TRIM61: variants seen among roughly 807,000 people sequenced by gnomAD.
TRIM61 encodes putative tripartite motif-containing protein 61.
TRIM61 carries 1 observed loss-of-function variant against 14.2 expected under a neutral mutation model. The observed-to-expected ratio is 0.07, with a 90% confidence interval of 0.03 to 0.33. TRIM61 has a LOEUF of 0.33. Among genes scored for constraint, TRIM61 ranks in the 10% least tolerant of loss-of-function variants. TRIM61 has a pLI of 0.99. For missense variants in TRIM61, 19 were observed against 202.2 expected (o/e 0.09, Z 5.49); for synonymous variants, 8 against 71.6 (o/e 0.11, Z 4.49).
chr4:164,956,905 G>A (rs1732004054), intron 3 of TRIM61: 11 of 1,038,604 alleles, frequency 1.1e-5, no homozygotes, highest in South Asian at 1.7e-5. Flanking sequence ...GCGGAAGTCG[G>A]AGCGGCAGAG....
intron 3 of TRIM61, among the ~76,000 whole-genome samples, chr4:164,965,269 CAG>C (rs1249887691): frequency 2.8e-5 from 4 of 143,388 alleles, no homozygotes; most frequent in African/African-American, 1.1e-4. Flanking sequence ...GCCTGGACAA[CAG>C]AGTGAGCCTC....
chr4:164,960,014 T>C (rs991109469), intron 3 of TRIM61, among the ~76,000 whole-genome samples: 1 of 152,082 alleles, frequency 6.6e-6, no homozygotes. Flanking sequence ...ATCACTGCAG[T>C]CCTTATAAAA....
At chr4:164,966,283 T>G (rs1290234245) in intron 3 of TRIM61, among the ~76,000 whole-genome samples, 1 of 152,154 alleles carries the variant, frequency 6.6e-6, no homozygotes, top group Admixed American at 6.5e-5. Context: ...CACTTGACAA[T>G]ACATGGCTCA....
At chr4:164,955,437 C>T (rs1731962351) in intron 3 of TRIM61, among the ~76,000 whole-genome samples, 1 of 151,898 alleles carries the variant, frequency 6.6e-6, no homozygotes, top group South Asian at 2.1e-4. Context: ...AGCTCAATGG[C>T]TCAAGACTGC....
At chr4:164,974,049 A>G (rs751327001) in intron 2 of TRIM61, among the ~76,000 whole-genome samples, 1 of 152,234 alleles carries the variant, frequency 6.6e-6, no homozygotes, top group African/African-American at 2.4e-5. Context: ...GCATGCCAGT[A>G]ATTCCAGCTA....
At chr4:164,958,831 A>G (rs1220425337) in intron 3 of TRIM61, 1 of 167,120 alleles carries the variant, frequency 6.0e-6, no homozygotes, top group African/African-American at 2.4e-5. Flanking sequence ...CCTGTTAAAC[A>G]GAGGCATGAT....
chr4:164,973,989 G>C (rs1444848691), intron 2 of TRIM61, among the ~76,000 whole-genome samples: 1 of 152,216 alleles, frequency 6.6e-6, no homozygotes, highest in African/African-American at 2.4e-5. Flanking sequence ...GGCCAACATG[G>C]TAAAACCTTG....
intron 3 of TRIM61, chr4:164,957,347 C>G (rs149398948): frequency 6.2e-7 from 1 of 1,613,924 alleles, no homozygotes; most frequent in Non-Finnish European, 8.5e-7. Context: ...TGTCACGCCA[C>G]CGAAATTGCC....
chr4:164,969,992 A>G lies in TRIM61; in HGVS notation c.11T>C (p.Val4Ala). ...TGCTCGGAGGTCAGCCAGGGCCGTAACAAATTCCATTGAGACTTGAACAAA... is the reference window on the plus strand; with the variant it reads ...TGCTCGGAGGTCAGCCAGGGCCGTAGCAAATTCCATTGAGACTTGAACAAA... Residue 4 changes from valine (V) to alanine (A), a missense_variant, in exon 3 of 5, where the codon GTT (valine) becomes GCT (alanine). Val to Ala is a moderately conservative substitution (Grantham distance 64). Around this residue, in one of 2 missense-constraint regions of TRIM61, gnomAD observed 17 missense variants for 105.5 expected, o/e 0.16. Transcript: ENST00000329314. 1 of 1,613,810 alleles carries G rather than the reference A, an allele frequency of 6.2e-7. No homozygotes were observed. The highest frequency in any genetic ancestry group is 2.2e-5 in the East Asian group (1 of 44,880).
At chr4:164,968,963 C>G (rs1732300697) in intron 3 of TRIM61, 2 of 1,006,392 alleles carry the variant, frequency 2.0e-6, no homozygotes, top group Non-Finnish European at 2.4e-6. Flanking sequence ...CTGCCTGCCA[C>G]AACTATATCC....
chr4:164,973,763 CAAG>C (rs1442919827), intron 2 of TRIM61, among the ~76,000 whole-genome samples: 1 of 152,214 alleles, frequency 6.6e-6, no homozygotes, highest in Non-Finnish European at 1.5e-5. Context: ...GAAAATCTCT[CAAG>C]AGGTCATACA....
At chr4:164,975,767 G>A (rs1041928459) in intron 2 of TRIM61, among the ~76,000 whole-genome samples, 1 of 141,158 alleles carries the variant, frequency 7.1e-6, no homozygotes, top group African/African-American at 2.6e-5. Context: ...GGCCTCGTGG[G>A]ATGAGAAAGA....
At chr4:164,971,524 G>A (rs1732365209) in intron 2 of TRIM61, among the ~76,000 whole-genome samples, 1 of 151,776 alleles carries the variant, frequency 6.6e-6, no homozygotes, top group Non-Finnish European at 1.5e-5. Flanking sequence ...CCGAGAGGAG[G>A]AGGTTGTGGT....
chr4:164,968,140 A>AAGGGGAGGGG (rs963412701), intron 3 of TRIM61, 141 bp downstream of exon 3: 5 of 984,478 alleles, frequency 5.1e-6, no homozygotes, highest in African/African-American at 1.7e-5. Context: ...GCAACGAAAA[A>AAGGGGAGGGG]AGGGGAGGGG....
chr4:164,974,181 A>G (rs1261228021), intron 2 of TRIM61, among the ~76,000 whole-genome samples: 4 of 152,216 alleles, frequency 2.6e-5, no homozygotes, highest in Non-Finnish European at 4.4e-5. Flanking sequence ...AAAAAGCAGC[A>G]CATTGACATT....
Position 164,972,936 on chromosome 4 carries a change from C to G in TRIM61, c.-337-2597G>C, listed in dbSNP as rs182729136. Among the ~76,000 whole-genome samples, 29 of 152,274 alleles carry G rather than the reference C, an allele frequency of 1.9e-4. 1 individual carries two copies. Among genetic ancestry groups the G allele is most frequent in the South Asian group, 1.2e-3 (6 of 4,822 alleles). ...TCACCCTTAGCTCGCCATTCAGAAC[C>G]CTTCGTATTTCATTATCTTCATCTG... On this transcript the variant is annotated intron_variant, in intron 2 of 4. Coordinates refer to ENST00000329314, the MANE Select transcript of TRIM61 (RefSeq NM_001012414.3).
chr4:164,960,588 T>G (rs529289119), intron 3 of TRIM61, among the ~76,000 whole-genome samples: 1 of 151,376 alleles, frequency 6.6e-6, no homozygotes, highest in African/African-American at 2.4e-5. Flanking sequence ...TTTCCTGTTA[T>G]GTAAACTACC....
chr4:164,976,925 T>C (rs1579152974), intron 1 of TRIM61, 100 bp from the exon 2 acceptor site: 1 of 152,298 alleles, frequency 6.6e-6, no homozygotes, highest in East Asian at 1.9e-4. Context: ...ATTTTACAGC[T>C]ACTCTGCAAT....
intron 3 of TRIM61, among the ~76,000 whole-genome samples, chr4:164,964,093 TA>T (rs1732189606): frequency 1.3e-5 from 2 of 152,014 alleles, no homozygotes; most frequent in East Asian, 3.9e-4. Flanking sequence ...CTCATGCCTG[TA>T]ATCTCAGCAC....
Sources: gnomAD v4.1 joint callset for allele counts (sites outside exome capture counted in the v4.1 genomes callset) on GRCh38, gnomAD v4.1.1 for gene constraint, gnomAD v4.1.1 regional missense constraint, MANE v1.5 for transcripts, NCBI Gene and HGNC (gene_info 2026-07-23, HGNC 2026-07-21) for gene names.